Variants in PCLO observed in about 807,000 individuals in gnomAD.
PCLO encodes the protein piccolo presynaptic cytomatrix protein.
Under a neutral mutation model 427.5 loss-of-function variants are expected in PCLO, and 82 were observed. That is an observed-to-expected ratio of 0.19 (90% CI 0.16 to 0.23). PCLO has a LOEUF of 0.23. PCLO is among the 10% of genes least tolerant of loss of function. The pLI, the probability that PCLO is intolerant of heterozygous loss-of-function variation, is 1.00. For missense variants in PCLO, 6,239 were observed against 6,115.9 expected (o/e 1.02, Z -0.67); for synonymous variants, 2,357 against 2,155.4 (o/e 1.09, Z -2.59).
At chr7:83,137,170 CA>C (rs1422486445) in intron 2 of PCLO, among the ~76,000 whole-genome samples, 1 of 152,132 alleles carries the variant, frequency 6.6e-6, no homozygotes, top group African/African-American at 2.4e-5. Context: ...TTTCTATTTT[CA>C]AACAGTTTCT....
intron 3 of PCLO, among the ~76,000 whole-genome samples, chr7:83,124,668 AT>A (rs1791380379): frequency 6.6e-6 from 1 of 152,170 alleles, no homozygotes; most frequent in African/African-American, 2.4e-5. Flanking sequence ...CTACGTATAC[AT>A]CCAAAAGAAA....
At chr7:83,137,874 A>G (rs1791767858) in intron 2 of PCLO, among the ~76,000 whole-genome samples, 1 of 152,222 alleles carries the variant, frequency 6.6e-6, no homozygotes, top group Non-Finnish European at 1.5e-5. Flanking sequence ...GTCCTAAAAC[A>G]ATCAAACAAT....
intron 3 of PCLO, among the ~76,000 whole-genome samples, chr7:83,053,257 T>C (rs1381137965): frequency 6.7e-6 from 1 of 149,984 alleles, no homozygotes; most frequent in Non-Finnish European, 1.5e-5. Flanking sequence ...ACTAAATCAC[T>C]TCCCTTTCCA....
intron 3 of PCLO, among the ~76,000 whole-genome samples, chr7:83,102,092 G>T (rs1362396661): frequency 6.6e-6 from 1 of 150,426 alleles, no homozygotes; most frequent in Non-Finnish European, 1.5e-5. Context: ...TTCAGCATGG[G>T]CAAGAATAAA....
intron 22 of PCLO, among the ~76,000 whole-genome samples, chr7:82,771,858 T>C (rs1790653975): frequency 6.6e-6 from 1 of 152,116 alleles, no homozygotes; most frequent in Non-Finnish European, 1.5e-5. Context: ...GTGAGGAGTA[T>C]ATTCTGGAAA....
intron 3 of PCLO, among the ~76,000 whole-genome samples, chr7:83,104,312 T>C (rs1790802730): frequency 6.6e-6 from 1 of 152,042 alleles, no homozygotes; most frequent in South Asian, 2.1e-4. Context: ...TAAAGGAAAA[T>C]ATCTTCTTTA....
At chr7:82,860,687 T>C (rs1457026708) in intron 10 of PCLO, among the ~76,000 whole-genome samples, 1 of 152,074 alleles carries the variant, frequency 6.6e-6, no homozygotes, top group Non-Finnish European at 1.5e-5. Flanking sequence ...AACTGTAGTT[T>C]GTAAACTACT....
chr7:83,144,558 CAT>C (rs1393879039), intron 2 of PCLO, among the ~76,000 whole-genome samples: 4 of 152,078 alleles, frequency 2.6e-5, no homozygotes, highest in Non-Finnish European at 5.9e-5. Context: ...TAAAATTTTA[CAT>C]AGATATATGT....
At chr7:83,120,588 A>C (rs1225259593) in intron 3 of PCLO, among the ~76,000 whole-genome samples, 1 of 152,070 alleles carries the variant, frequency 6.6e-6, no homozygotes, top group Non-Finnish European at 1.5e-5. Flanking sequence ...GATCCAAAAA[A>C]CAGCAAGAAA....
chr7:82,887,371 CCTTG>C (rs1336475943), intron 9 of PCLO, among the ~76,000 whole-genome samples: 3 of 152,030 alleles, frequency 2.0e-5, no homozygotes, highest in Non-Finnish European at 4.4e-5. Context: ...TCCCATTTCC[CCTTG>C]CTTATTTTTC....
At chr7:83,153,940 C>T (rs1434360314) in intron 2 of PCLO, among the ~76,000 whole-genome samples, 1 of 151,854 alleles carries the variant, frequency 6.6e-6, no homozygotes, top group Non-Finnish European at 1.5e-5. Context: ...TAAAATGCTA[C>T]ATTATTCCAG....
intron 20 of PCLO, among the ~76,000 whole-genome samples, chr7:82,808,260 ATATT>A (rs1791497602): frequency 6.6e-6 from 1 of 151,860 alleles, no homozygotes; most frequent in African/African-American, 2.4e-5. Context: ...CAATCAATTT[ATATT>A]TATTAAATTA....
At chr7:82,796,164 G>A (rs1791219397) in intron 22 of PCLO, among the ~76,000 whole-genome samples, 1 of 152,156 alleles carries the variant, frequency 6.6e-6, no homozygotes, top group African/African-American at 2.4e-5. Context: ...CTCCAGAGAT[G>A]AATCTGGCTT....
intron 22 of PCLO, among the ~76,000 whole-genome samples, chr7:82,792,719 T>C (rs762381277): frequency 2.6e-5 from 4 of 152,198 alleles, no homozygotes; most frequent in Non-Finnish European, 5.9e-5. Context: ...ATAGTCAAAT[T>C]GCTAAGAGAA....
intron 3 of PCLO, among the ~76,000 whole-genome samples, chr7:82,983,410 T>A (rs1796191307): frequency 6.6e-6 from 1 of 150,984 alleles, no homozygotes; most frequent in South Asian, 2.1e-4. Context: ...TACTTCATAA[T>A]AAACAATATT....
intron 10 of PCLO, among the ~76,000 whole-genome samples, chr7:82,866,231 C>A (rs577351468): frequency 1.3e-5 from 2 of 152,176 alleles, no homozygotes; most frequent in Admixed American, 1.3e-4. Flanking sequence ...CTTTCTCTTA[C>A]CACCTCACCT....
intron 14 of PCLO, among the ~76,000 whole-genome samples, chr7:82,841,250 A>T (rs1411251738): frequency 2.0e-5 from 3 of 152,098 alleles, no homozygotes; most frequent in African/African-American, 7.2e-5. Flanking sequence ...GGCAGATTTC[A>T]AAGTATAGAA....
chr7:82,787,553 A>G (rs1310211731), intron 22 of PCLO, among the ~76,000 whole-genome samples: 1 of 152,186 alleles, frequency 6.6e-6, no homozygotes, highest in Non-Finnish European at 1.5e-5. Flanking sequence ...ACTATGAACA[A>G]GAAAATGATT....
At chr7:83,130,373 T>G (rs1791540684) in intron 3 of PCLO, among the ~76,000 whole-genome samples, 1 of 152,130 alleles carries the variant, frequency 6.6e-6, no homozygotes, top group Non-Finnish European at 1.5e-5. Flanking sequence ...GACAGGATTT[T>G]GCCGTGTTGG....
Sources: gnomAD v4.1 joint callset for allele counts (sites outside exome capture counted in the v4.1 genomes callset) on GRCh38, gnomAD v4.1.1 for gene constraint, MANE v1.5 for transcripts, NCBI Gene and HGNC (gene_info 2026-07-23, HGNC 2026-07-21) for gene names.